The following KCNIP4 variants were observed in gnomAD, a reference collection of about 807,000 sequenced individuals.
The protein encoded by KCNIP4 is Kv channel-interacting protein 4.
In KCNIP4, 12 loss-of-function variants were observed where a neutral mutation model predicts 34.0. The observed-to-expected ratio is 0.35, with a 90% CI of 0.23 to 0.57. KCNIP4 has a LOEUF of 0.57. Among genes scored for constraint, KCNIP4 ranks in the 20% least tolerant of loss-of-function variants. The pLI, the probability that KCNIP4 is intolerant of heterozygous loss-of-function variation, is 0.83. For synonymous variants in KCNIP4, 124 were observed against 102.2 expected, an observed-to-expected ratio of 1.21 and a Z score of -1.29; for missense variants, 238 against 311.7, an observed-to-expected ratio of 0.76 and a Z score of 1.78.
chr4:21,364,980 G>A (rs553719421), intron 1 of KCNIP4, among the ~76,000 whole-genome samples: 1 of 152,078 alleles, frequency 6.6e-6, no homozygotes, highest in Non-Finnish European at 1.5e-5. Flanking sequence ...TATGGTATTC[G>A]TTCAATCTTG....
intron 1 of KCNIP4, among the ~76,000 whole-genome samples, chr4:21,248,030 G>A (rs1358600385): frequency 7.4e-6 from 1 of 135,724 alleles, no homozygotes; most frequent in Non-Finnish European, 1.6e-5. Flanking sequence ...ATATATATAT[G>A]TGTACACCAC....
At chr4:21,638,950 T>G (rs573944987) in intron 1 of KCNIP4, among the ~76,000 whole-genome samples, 1 of 152,352 alleles carries the variant, frequency 6.6e-6, no homozygotes, top group South Asian at 2.1e-4. Flanking sequence ...ACATTCATTA[T>G]ATGTACTGGT....
At chr4:20,857,978 G>GTT (rs1560520005) in intron 2 of KCNIP4, among the ~76,000 whole-genome samples, 1 of 151,926 alleles carries the variant, frequency 6.6e-6, no homozygotes, top group Admixed American at 6.6e-5. Flanking sequence ...AGAGGCCGAC[G>GTT]TGGGTGGATC....
intron 1 of KCNIP4, among the ~76,000 whole-genome samples, chr4:21,123,724 G>T (rs527988726): frequency 1.3e-5 from 2 of 152,284 alleles, no homozygotes; most frequent in East Asian, 1.9e-4. Flanking sequence ...ATTGGGTTGA[G>T]ATAAGGTCAT....
In KCNIP4 at chr4:21,761,734, A is replaced by T. The variant is rs146233723; in HGVS notation, c.61+186837T>A. 2.8e-3 allele frequency among the ~76,000 whole-genome samples: 431 copies of T among 152,114 alleles called. 3 individuals are homozygous for T. Among genetic ancestry groups the T allele is most frequent in the African/African-American group, 9.6e-3 (399 of 41,538 alleles). On this transcript the variant is annotated intron_variant, in intron 1 of 8. Coordinates refer to ENST00000382152, the MANE Select transcript of KCNIP4 (RefSeq NM_025221.6). The stretch of plus-strand genomic sequence containing the variant: ...ATTTCTTCCATATTTATTTTTTCCA[A>T]ATTTACTCCTATAGAGGAAGAGAGG...
intron 1 of KCNIP4, among the ~76,000 whole-genome samples, chr4:21,813,264 G>A (rs1721772359): frequency 6.6e-6 from 1 of 152,106 alleles, no homozygotes; most frequent in Admixed American, 6.6e-5. Flanking sequence ...TCTATTTTCT[G>A]TCTTGCAAAA....
In KCNIP4 at chr4:21,686,644, G is replaced by A. The variant is rs1034131622; in HGVS notation, c.61+261927C>T. ...CCTACCCCATTTAAAAATGTGTACA[G>A]TTAGAGAGAATTCACACTTCCAAAG... On this transcript the variant is annotated intron_variant, in intron 1 of 8. Transcript: ENST00000382152. 1.8e-4 allele frequency among the ~76,000 whole-genome samples: 28 copies of A among 152,110 alleles called. 1 individual carries two copies. The highest frequency in any genetic ancestry group is 5.9e-5 in the Non-Finnish European group (4 of 68,016).
intron 1 of KCNIP4, among the ~76,000 whole-genome samples, chr4:21,554,032 T>C (rs1293821338): frequency 6.6e-6 from 1 of 152,076 alleles, no homozygotes; most frequent in African/African-American, 2.4e-5. Flanking sequence ...GGACATACAT[T>C]ATTATGTAAT....
At chr4:20,980,274 C>T (rs1004497350) in intron 1 of KCNIP4, among the ~76,000 whole-genome samples, 4 of 152,162 alleles carry the variant, frequency 2.6e-5, no homozygotes, top group African/African-American at 7.2e-5. Context: ...AACAGGGTAC[C>T]CTGCACACGT....
chr4:21,320,026 T>C (rs559600840), intron 1 of KCNIP4, among the ~76,000 whole-genome samples: 10 of 152,382 alleles, frequency 6.6e-5, no homozygotes, highest in Non-Finnish European at 1.5e-5. Flanking sequence ...CACTTCTTAC[T>C]GTAGTTCATC....
At chr4:21,300,933 G>T (rs1711593907) in intron 1 of KCNIP4, among the ~76,000 whole-genome samples, 1 of 152,148 alleles carries the variant, frequency 6.6e-6, no homozygotes, top group Non-Finnish European at 1.5e-5. Context: ...GAGAGGTAAA[G>T]TGACTTAATC....
At chr4:21,505,222 AT>A (rs1161878046) in intron 1 of KCNIP4, among the ~76,000 whole-genome samples, 2 of 151,754 alleles carry the variant, frequency 1.3e-5, no homozygotes, top group African/African-American at 2.4e-5. Context: ...AGTTTCATAG[AT>A]TTTTCCCCCC....
intron 1 of KCNIP4, among the ~76,000 whole-genome samples, chr4:21,834,308 A>G (rs541182955): frequency 4.0e-4 from 61 of 152,216 alleles, no homozygotes; most frequent in African/African-American, 1.5e-3. Flanking sequence ...GGTCCTTCAC[A>G]TCCCTTGTAA....
At chr4:21,823,561 C>T (rs1303127332) in intron 1 of KCNIP4, among the ~76,000 whole-genome samples, 1 of 148,244 alleles carries the variant, frequency 6.7e-6, no homozygotes, top group Non-Finnish European at 1.5e-5. Flanking sequence ...CATCTCAATA[C>T]ACTGGTACAT....
At chr4:21,087,832 C>A (rs960490765) in intron 1 of KCNIP4, among the ~76,000 whole-genome samples, 4 of 152,172 alleles carry the variant, frequency 2.6e-5, no homozygotes, top group African/African-American at 9.6e-5. Flanking sequence ...TTCTTCTTTT[C>A]TCTCCAGCCA....
At chr4:21,007,765 A>G (rs1358113319) in intron 1 of KCNIP4, among the ~76,000 whole-genome samples, 2 of 152,212 alleles carry the variant, frequency 1.3e-5, no homozygotes, top group Non-Finnish European at 2.9e-5. Context: ...CTGATTTTGA[A>G]CAGTCCCAGG....
intron 1 of KCNIP4, among the ~76,000 whole-genome samples, chr4:21,015,483 T>A (rs931434643): frequency 7.1e-6 from 1 of 140,744 alleles, no homozygotes; most frequent in Admixed American, 7.6e-5. Context: ...TAATATATAT[T>A]ATATATAACA....
chr4:21,702,907 T>A (rs1712969322), intron 1 of KCNIP4, among the ~76,000 whole-genome samples: 1 of 151,890 alleles, frequency 6.6e-6, no homozygotes. Context: ...TATATTATAG[T>A]CAGGTAGAGT....
chr4:20,769,738 A>G (rs1268869465), intron 3 of KCNIP4, among the ~76,000 whole-genome samples: 2 of 152,154 alleles, frequency 1.3e-5, no homozygotes, highest in African/African-American at 2.4e-5. Flanking sequence ...TCCTCTTCCA[A>G]GCTCACTGAG....
Sources: allele counts gnomAD v4.1 joint callset (sites outside exome capture counted in the v4.1 genomes callset), GRCh38; gene constraint gnomAD v4.1.1; transcripts MANE v1.5; gene names NCBI Gene and HGNC (gene_info 2026-07-23, HGNC 2026-07-21).